RNF14: variants seen among roughly 807,000 people sequenced by gnomAD.
RNF14 encodes E3 ubiquitin-protein ligase RNF14.
RNF14 carries 26 observed loss-of-function variants against 52.6 expected under a neutral mutation model. The ratio of observed to expected loss-of-function variants is 0.49; its 90% CI spans 0.36 to 0.69. RNF14 has a LOEUF of 0.69. Among genes scored for constraint, RNF14 ranks in the 30% least tolerant of loss-of-function variants. The pLI is 0.00. For missense variants in RNF14, 404 were observed against 560.4 expected (o/e 0.72, Z 2.82); for synonymous variants, 194 against 202.0 (o/e 0.96, Z 0.34).
intron 8 of RNF14, among the ~76,000 whole-genome samples, chr5:141,986,652 G>T (rs945984858): frequency 5.3e-5 from 8 of 152,186 alleles, no homozygotes; most frequent in African/African-American, 1.9e-4. Context: ...GGAAAGGAGA[G>T]CTTTATTTCT....
At chr5:141,954,902 T>C (rs1753147140), upstream of RNF14, 1 of 1,534,552 alleles carries the variant, frequency 6.5e-7, no homozygotes, top group East Asian at 2.3e-5. Flanking sequence ...GTGCAGGTTA[T>C]GGGGGTGTCT....
upstream of RNF14, among the ~76,000 whole-genome samples, chr5:141,963,952 T>A (rs1753295723): frequency 6.6e-6 from 1 of 152,188 alleles, no homozygotes; most frequent in African/African-American, 2.4e-5. Context: ...CTGCTAAATC[T>A]CACCCCTCTT....
chr5:141,973,853 C>A, intron 3 of RNF14, 111 bp downstream of exon 3: 1 of 870,430 alleles, frequency 1.1e-6, no homozygotes, highest in Non-Finnish European at 1.7e-6. Context: ...GGTAGTATTA[C>A]AGAGGTAATG....
upstream of RNF14, among the ~76,000 whole-genome samples, chr5:141,954,433 A>C (rs750854596): frequency 6.6e-6 from 1 of 152,228 alleles, no homozygotes; most frequent in Non-Finnish European, 1.5e-5. Context: ...TACTGACTAC[A>C]TGTCAGATGG....
chr5:141,969,341 C>T (rs1443873866), intron 1 of RNF14, 174 bp downstream of exon 1: 1 of 152,598 alleles, frequency 6.6e-6, no homozygotes, highest in African/African-American at 2.4e-5. Flanking sequence ...GTCCGCAGCT[C>T]GGCTGGCCGG....
At chr5:141,960,150 C>T (rs1352347006) in intron 1 of RNF14, among the ~76,000 whole-genome samples, 2 of 152,174 alleles carry the variant, frequency 1.3e-5, no homozygotes, top group Non-Finnish European at 2.9e-5. Context: ...CTCAGGGACA[C>T]AAGGGTGCCC....
intron 7 of RNF14, among the ~76,000 whole-genome samples, chr5:141,984,341 G>A (rs1012112918): frequency 9.9e-5 from 15 of 151,514 alleles, no homozygotes; most frequent in African/African-American, 2.7e-4. Context: ...CAAATGACTC[G>A]CCCACCTTGG....
intron 5 of RNF14, among the ~76,000 whole-genome samples, chr5:141,979,478 CT>C (rs1182909679): frequency 6.6e-6 from 1 of 152,186 alleles, no homozygotes; most frequent in Non-Finnish European, 1.5e-5. Context: ...TCTTGAACTC[CT>C]GACCTCAAGT....
At position 141,978,580 on chromosome 5, in the gene RNF14, C is replaced by A. The variant is rs768316217; in HGVS notation, c.584C>A (p.Ser195Ter). The A allele has an allele frequency of 1.4e-5, 22 of 1,614,048 alleles. No individual in the cohort carries two copies. Among genetic ancestry groups the A allele is most frequent in the Non-Finnish European group, 1.8e-5 (21 of 1,179,946 alleles). ...GCAGTGCAGGATGTGGAATCACTGT[C>A]AAATCTGATCCAGGAAATCTTGGAC... ...ERAVQDVESL[S>*]NLIQEILDFD... Residue 195 changes from serine to a stop codon, truncating the protein, a stop_gained, in exon 5 of 9, where the codon TCA (serine) becomes TAA (stop). Transcript: ENST00000394520. LOFTEE classifies it high-confidence loss of function.
chr5:141,970,062 C>T (rs1753607578), intron 1 of RNF14, among the ~76,000 whole-genome samples: 1 of 152,336 alleles, frequency 6.6e-6, no homozygotes, highest in African/African-American at 2.4e-5. Flanking sequence ...GGGAGTTACA[C>T]ATCCGAGAAT....
At chr5:141,953,618 G>A (rs566296791), upstream of RNF14, among the ~76,000 whole-genome samples, 7 of 152,310 alleles carry the variant, frequency 4.6e-5, no homozygotes, top group East Asian at 1.9e-4. Flanking sequence ...TCACCTCAGC[G>A]GGGTCACCCA....
In RNF14 at chr5:141,973,511, T is replaced by C. The variant is rs764774440; in HGVS notation, c.-6-72T>C. ...CCTCGGCCTCCCAAAGTGTTGGGAT[T>C]ACAGGTGTGAGCCACCACACCCGGC... is the stretch of plus-strand genomic sequence containing the variant. On this transcript the variant is annotated intron_variant, in intron 2 of 8. Coordinates refer to ENST00000394520, the MANE Select transcript of RNF14 (RefSeq NM_004290.5). The C allele has an allele frequency of 3.5e-4, 472 of 1,337,118 alleles. 1 individual carries two copies. The highest frequency in any genetic ancestry group is 4.7e-4 in the Non-Finnish European group (456 of 970,910). 82.8% of individuals were successfully genotyped at this position (1,337,118 alleles called of 1,614,324 possible).
upstream of RNF14, chr5:141,955,073 C>T (rs1403973935): frequency 1.2e-6 from 2 of 1,614,202 alleles, no homozygotes; most frequent in Non-Finnish European, 1.7e-6. This position sits in a 1 kb window ranked among gnomAD's most constrained non-coding sequence, Gnocchi z 5.5. Flanking sequence ...TGACGGGGCC[C>T]TGATTCTTTC....
At chr5:141,957,316 T>G (rs1436955725), upstream of RNF14, 1 of 1,613,406 alleles carries the variant, frequency 6.2e-7, no homozygotes, top group Non-Finnish European at 8.5e-7. This position sits in a 1 kb window ranked among gnomAD's most constrained non-coding sequence, Gnocchi z 4.3. Flanking sequence ...CAAGGCAAAG[T>G]GCTCACTGGG....
chr5:141,984,611 C>T (rs1755077307), intron 7 of RNF14, among the ~76,000 whole-genome samples, 192 bp from the exon 8 acceptor site: 2 of 152,162 alleles, frequency 1.3e-5, no homozygotes, highest in African/African-American at 4.8e-5. Flanking sequence ...GTAACACTAG[C>T]TATTTTCTGT....
chr5:141,950,523 C>T, the RNF14 span, among the ~76,000 whole-genome samples: 1 of 152,170 alleles, frequency 6.6e-6, no homozygotes, highest in Non-Finnish European at 1.5e-5. Context: ...TCTCTTTAAT[C>T]AACCCATTGT....
At chr5:141,958,063 C>T (rs1753217569), upstream of RNF14, 1 of 593,970 alleles carries the variant, frequency 1.7e-6, no homozygotes, top group Admixed American at 3.3e-5. Flanking sequence ...TGTCCAAACG[C>T]CGATCAAGAA....
chr5:141,958,506 C>T (rs1455259657), intron 1 of RNF14: 1 of 152,582 alleles, frequency 6.6e-6, no homozygotes, highest in South Asian at 2.1e-4. Context: ...CTGTTTCTCT[C>T]CCCTTCCCCA....
rs1755395949 is a variant in RNF14 at position 141,988,044 on chromosome 5, G to A, written c.*254G>A. ...ACTACAGAATATTAAATATTATAAT[G>A]TGCCCAAAGCTCTGAATAGTTAAAA... is the stretch of plus-strand genomic sequence containing the variant. On this transcript the variant is annotated 3_prime_UTR_variant, in exon 9 of 9. Transcript: ENST00000394520. 2 of 455,020 alleles carry A rather than the reference G, an allele frequency of 4.4e-6. No individual in the cohort carries two copies. Among genetic ancestry groups the A allele is most frequent in the Admixed American group, 7.1e-5 (2 of 28,288 alleles). The allele number at this position is 455,020 out of a possible 1,614,324, so 28.2% of individuals were successfully genotyped here. A position where few individuals can be genotyped will look rare whatever the true frequency, so the allele number is the denominator to read the frequency against.
Sources: gnomAD v4.1 joint callset for allele counts (sites outside exome capture counted in the v4.1 genomes callset) on GRCh38, gnomAD v4.1.1 for gene constraint, Gnocchi (gnomAD v3.1) non-coding constraint, MANE v1.5 for transcripts, NCBI Gene and HGNC (gene_info 2026-07-23, HGNC 2026-07-21) for gene names.